Variants in TMEM232 observed in about 807,000 individuals in gnomAD.
TMEM232 encodes transmembrane protein 232.
In TMEM232, 80 loss-of-function variants were observed where a neutral mutation model predicts 78.8. The ratio of observed to expected loss-of-function variants is 1.01; its 90% CI spans 0.85 to 1.22. TMEM232 has a LOEUF of 1.22. Among genes scored for constraint, TMEM232 ranks in the 50% most tolerant of loss-of-function variants. The pLI is 0.00. For synonymous variants in TMEM232, 297 were observed against 254.3 expected (o/e 1.17, Z -1.60); for missense variants, 881 against 742.2 (o/e 1.19, Z -2.17).
At chr5:110,440,491 A>G (rs989654486) in intron 12 of TMEM232, among the ~76,000 whole-genome samples, 1 of 152,148 alleles carries the variant, frequency 6.6e-6, no homozygotes, top group South Asian at 2.1e-4. Context: ...ATTTGAAATG[A>G]TATTTCAAAT....
chr5:110,476,882 A>T (rs1033420617), intron 12 of TMEM232, among the ~76,000 whole-genome samples: 3 of 152,036 alleles, frequency 2.0e-5, no homozygotes, highest in Admixed American at 1.3e-4. Context: ...TTTAATTTTC[A>T]GATTTCTTGG....
chr5:110,389,212 G>A (rs191079807), intron 4 of TMEM232, among the ~76,000 whole-genome samples: 17 of 152,226 alleles, frequency 1.1e-4, no homozygotes, highest in African/African-American at 4.1e-4. Context: ...AGTGAGCCGA[G>A]ATCGCACTAC....
At chr5:110,537,680 C>T (rs1340576846) in intron 11 of TMEM232, among the ~76,000 whole-genome samples, 1 of 152,182 alleles carries the variant, frequency 6.6e-6, no homozygotes, top group Non-Finnish European at 1.5e-5. Flanking sequence ...AGGAGAACAT[C>T]GTATTAACTC....
rs111440433 is a variant in TMEM232 at position 110,444,096 on chromosome 5, T to A, written c.1704-19180A>T. 2.4e-4 allele frequency among the ~76,000 whole-genome samples: 36 copies of A among 152,222 alleles called. 1 individual carries two copies. The highest frequency in any genetic ancestry group is 6.3e-4 in the African/African-American group (26 of 41,544). The stretch of plus-strand genomic sequence containing the variant: ...TCCCTTCGCTGCCCTGGCTGGTATC[T>A]CCTTAGGTCATGTGCCACCCTAGTT... On this transcript the variant is annotated intron_variant, in intron 12 of 13. Transcript: ENST00000455884.
chr5:110,607,490 G>C (rs1781663743), intron 8 of TMEM232, among the ~76,000 whole-genome samples: 1 of 151,950 alleles, frequency 6.6e-6, no homozygotes, highest in Admixed American at 6.6e-5. Context: ...ATGGCAATAT[G>C]CTCAATTAAG....
intron 2 of TMEM232, among the ~76,000 whole-genome samples, chr5:110,663,824 AT>A (rs960401701): frequency 1.3e-5 from 2 of 151,934 alleles, no homozygotes; most frequent in African/African-American, 4.8e-5. Context: ...CATCAAGCAA[AT>A]TTTTAAAAAT....
At chr5:110,708,567 TA>T (rs1247472278) in intron 1 of TMEM232, among the ~76,000 whole-genome samples, 3 of 137,554 alleles carry the variant, frequency 2.2e-5, no homozygotes, top group Middle Eastern at 3.4e-3. Context: ...GACATAAAGT[TA>T]AAAAACAGGT....
intron 12 of TMEM232, among the ~76,000 whole-genome samples, chr5:110,484,949 A>C (rs1764300922): frequency 6.6e-6 from 1 of 152,132 alleles, no homozygotes; most frequent in Admixed American, 6.6e-5. Context: ...TTACTCCTGC[A>C]AGAATAGCCT....
At chr5:110,677,991 A>C (rs1792243662) in intron 1 of TMEM232, among the ~76,000 whole-genome samples, 1 of 152,168 alleles carries the variant, frequency 6.6e-6, no homozygotes, top group Non-Finnish European at 1.5e-5. Flanking sequence ...TCACATTAAA[A>C]ATTTTGATAT....
At chr5:110,413,229 C>G (rs967477415) in intron 2 of TMEM232, among the ~76,000 whole-genome samples, 11 of 152,158 alleles carry the variant, frequency 7.2e-5, no homozygotes, top group African/African-American at 2.7e-4. Flanking sequence ...GTCTTCTTGC[C>G]TCCATGTTTC....
At chr5:110,482,160 C>G (rs904422317) in intron 12 of TMEM232, among the ~76,000 whole-genome samples, 3 of 152,030 alleles carry the variant, frequency 2.0e-5, no homozygotes, top group Non-Finnish European at 4.4e-5. Flanking sequence ...ATCCAAACAA[C>G]AAGAGCAGAC....
chr5:110,449,342 T>C (rs1760009362), intron 12 of TMEM232, among the ~76,000 whole-genome samples: 1 of 152,020 alleles, frequency 6.6e-6, no homozygotes, highest in Non-Finnish European at 1.5e-5. Context: ...TGCTGTTACA[T>C]ATTCATACCC....
intron 1 of TMEM232, among the ~76,000 whole-genome samples, chr5:110,718,475 T>C (rs1350853139): frequency 6.6e-6 from 1 of 152,156 alleles, no homozygotes; most frequent in Non-Finnish European, 1.5e-5. Context: ...ATCTTATTTA[T>C]GTTCTTTGTA....
intron 2 of TMEM232, among the ~76,000 whole-genome samples, chr5:110,404,889 A>G (rs1462162688): frequency 3.3e-5 from 5 of 152,008 alleles, no homozygotes; most frequent in African/African-American, 1.2e-4. Context: ...GTTAAAAAGA[A>G]AACAGATAAG....
intron 12 of TMEM232, among the ~76,000 whole-genome samples, chr5:110,507,182 A>C (rs371532616): frequency 1.3e-5 from 2 of 152,314 alleles, no homozygotes; most frequent in East Asian, 3.9e-4. Flanking sequence ...GAAACTGAAC[A>C]ATATAGGGGA....
At chr5:110,400,305 A>G (rs1755541968) in intron 2 of TMEM232, among the ~76,000 whole-genome samples, 1 of 152,148 alleles carries the variant, frequency 6.6e-6, no homozygotes, top group Admixed American at 6.6e-5. Flanking sequence ...TCTCAAATGT[A>G]AAAGAAGTGA....
At chr5:110,441,057 C>G (rs1163411155) in intron 12 of TMEM232, among the ~76,000 whole-genome samples, 2 of 152,114 alleles carry the variant, frequency 1.3e-5, no homozygotes, top group Admixed American at 6.6e-5. Flanking sequence ...TGGCTCCTAA[C>G]TGCTTTGACG....
At chr5:110,502,699 C>G (rs767807202) in intron 12 of TMEM232, among the ~76,000 whole-genome samples, 3 of 152,130 alleles carry the variant, frequency 2.0e-5, no homozygotes, top group Admixed American at 1.3e-4. Flanking sequence ...ACTCACTACC[C>G]GGTAGCCACA....
intron 3 of TMEM232, among the ~76,000 whole-genome samples, chr5:110,642,030 A>T (rs1189473711): frequency 6.6e-6 from 1 of 152,058 alleles, no homozygotes; most frequent in Non-Finnish European, 1.5e-5. Context: ...GCCAGACTTA[A>T]CGTTTTGCTA....
Sources: gnomAD v4.1 joint callset for allele counts (sites outside exome capture counted in the v4.1 genomes callset) on GRCh38, gnomAD v4.1.1 for gene constraint, MANE v1.5 for transcripts, NCBI Gene and HGNC (gene_info 2026-07-23, HGNC 2026-07-21) for gene names.